GSG1L: variants seen among roughly 807,000 people sequenced by gnomAD.
GSG1L encodes GSG1 like, also known as germ cell-specific gene 1-like protein.
In GSG1L, 24 loss-of-function variants were observed where a neutral mutation model predicts 42.1. That is an observed-to-expected ratio of 0.57 (90% CI 0.41 to 0.80). GSG1L has a LOEUF of 0.80. Ranked by LOEUF, GSG1L falls within the 30% of genes least tolerant of loss-of-function variation. The pLI is 0.00. For synonymous variants in GSG1L, 215 were observed against 203.5 expected (o/e 1.06, Z -0.48); for missense variants, 445 against 472.2 (o/e 0.94, Z 0.53).
At position 28,040,476 on chromosome 16, in the gene GSG1L, G is replaced by C. The variant is rs2086093430; in HGVS notation, c.349+22600C>G. On this transcript the variant is annotated intron_variant, in intron 1 of 6. Coordinates refer to ENST00000447459, the MANE Select transcript of GSG1L (RefSeq NM_001109763.2). The surrounding 1 kb of genome is among the most constrained non-coding windows in gnomAD (Gnocchi z 4.1). ...CAGAATTAATTACGAATTCGGAAGA[G>C]TAGAGACCCCATCTTGTTCACCACT... Among the ~76,000 whole-genome samples, 1 of 152,160 alleles carries C rather than the reference G, an allele frequency of 6.6e-6. No homozygotes were observed. Among genetic ancestry groups the C allele is most frequent in the Non-Finnish European group, 1.5e-5 (1 of 68,024 alleles).
intron 1 of GSG1L, among the ~76,000 whole-genome samples, chr16:28,057,927 C>T (rs2086297174): frequency 6.6e-6 from 1 of 152,226 alleles, no homozygotes; most frequent in Non-Finnish European, 1.5e-5. Flanking sequence ...TCACCTCCAT[C>T]ATCCACACAA....
chr16:28,019,154 G>C (rs1169278435), intron 1 of GSG1L, among the ~76,000 whole-genome samples: 3 of 152,156 alleles, frequency 2.0e-5, no homozygotes, highest in African/African-American at 7.2e-5. Flanking sequence ...CAGGAAGTTA[G>C]GCATTCTAAG....
intron 3 of GSG1L, among the ~76,000 whole-genome samples, chr16:27,860,124 A>T (rs149307849): frequency 4.1e-4 from 62 of 152,312 alleles, no homozygotes; most frequent in African/African-American, 1.4e-3. Flanking sequence ...CAAGCTGCTG[A>T]GAAACAGGCA....
intron 3 of GSG1L, among the ~76,000 whole-genome samples, chr16:27,856,646 T>C (rs1211045855): frequency 6.6e-6 from 1 of 152,254 alleles, no homozygotes; most frequent in East Asian, 1.9e-4. Flanking sequence ...AATTTCTTTT[T>C]GACAGTTCTT....
intron 2 of GSG1L, among the ~76,000 whole-genome samples, chr16:27,906,570 A>C (rs1472280985): frequency 6.6e-6 from 1 of 151,918 alleles, no homozygotes; most frequent in Non-Finnish European, 1.5e-5. Flanking sequence ...GGCCCTCTGC[A>C]CCTCCTGCTC....
chr16:27,844,942 C>T lies in GSG1L; in HGVS notation c.662+8G>A, dbSNP rs2083427062. 4.5e-6 allele frequency: 7 copies of T among 1,542,542 alleles called. No homozygotes were observed. The highest frequency in any genetic ancestry group is 6.2e-6 in the Non-Finnish European group (7 of 1,128,208). ...CTGAAGCTGCTCTTGTCCTGAAGGT[C>T]CACTTACCAGAAGGACCACCCGTAG... On this transcript the variant is annotated splice_region_variant and intron_variant, in intron 4 of 6. Transcript: ENST00000447459.
rs147993796 is a variant in GSG1L at position 28,029,867 on chromosome 16, CGT to C, written c.349+33207_349+33208del. On this transcript the variant is annotated intron_variant, in intron 1 of 6. Transcript: ENST00000447459. ...CAACACTCTCAAACTACAAGGATAG[CGT>C]GTGTGTGTGTGTGCATGCACGCACA... Among the ~76,000 whole-genome samples the C allele has an allele frequency of 3.1e-4, 47 of 151,414 alleles. No individual in the cohort carries two copies. The East Asian group carries it at 5.4e-3, about 17-fold the overall frequency.
intron 2 of GSG1L, among the ~76,000 whole-genome samples, chr16:27,947,426 A>AAGAAAGAAAGAG (rs1555510013): frequency 7.1e-6 from 1 of 140,612 alleles, no homozygotes; most frequent in Non-Finnish European, 1.6e-5. Flanking sequence ...GAAAGAAAGA[A>AAGAAAGAAAGAG]AGAGAAGGAA....
intron 2 of GSG1L, among the ~76,000 whole-genome samples, chr16:27,955,928 A>AAGGAAGGGAG (rs1567533947): frequency 1.8e-5 from 1 of 56,782 alleles, no homozygotes; most frequent in African/African-American, 7.4e-5. Context: ...AAGGAAGGAA[A>AAGGAAGGGAG]GAAGGAAGGA....
At chr16:28,055,258 C>T (rs750618714) in intron 1 of GSG1L, among the ~76,000 whole-genome samples, 3 of 152,188 alleles carry the variant, frequency 2.0e-5, no homozygotes, top group African/African-American at 4.8e-5. Context: ...TGGGCTCAAG[C>T]GATCCTCCCA....
At position 27,903,713 on chromosome 16, in the gene GSG1L, G is replaced by A. The variant is rs1381779047; in HGVS notation, c.398-19075C>T. ...CCAGGGACCAAATCCTCCAGGGCAG[G>A]CCAGAAGTCAGGGGCTTGGCGGACA... On this transcript the variant is annotated intron_variant, in intron 2 of 6. Transcript: ENST00000447459. Among the ~76,000 whole-genome samples the A allele has an allele frequency of 2.0e-5, 3 of 152,256 alleles. No individual in the cohort carries two copies. The East Asian group carries it at 5.8e-4, about 30-fold the overall frequency.
chr16:27,823,394 A>G (rs1384161995), intron 5 of GSG1L, among the ~76,000 whole-genome samples: 1 of 152,098 alleles, frequency 6.6e-6, no homozygotes, highest in East Asian at 1.9e-4. Flanking sequence ...CACCATTTCA[A>G]ATCTGCCCAA....
chr16:27,803,970 ATGAT>A lies in GSG1L; in HGVS notation c.898+3513_898+3516del, dbSNP rs558943971. Reference sequence around the variant, plus strand: ...AGATGGTAAGATTTATAGATGATAGATGATTGATGGATAGATGATTGACAGATGA... The same window carrying A: ...AGATGGTAAGATTTATAGATGATAGATGATGGATAGATGATTGACAGATGA... On this transcript the variant is annotated intron_variant, in intron 6 of 6. Coordinates refer to ENST00000447459, the MANE Select transcript of GSG1L (RefSeq NM_001109763.2). Among the ~76,000 whole-genome samples, 142 of 151,820 alleles carry A rather than the reference ATGAT, an allele frequency of 9.4e-4. 1 individual carries two copies. The highest frequency in any genetic ancestry group is 3.3e-3 in the African/African-American group (138 of 41,398).
intron 6 of GSG1L, among the ~76,000 whole-genome samples, chr16:27,803,301 A>G (rs62031085): frequency 0.031 from 4,643 of 152,128 alleles, 214 homozygotes; most frequent in African/African-American, 0.097. Flanking sequence ...CATTACCTCC[A>G]GAGAACTCAT....
chr16:27,845,115 C>A, intron 3 of GSG1L, 54 bp from the exon 4 acceptor site: 1 of 1,160,440 alleles, frequency 8.6e-7, no homozygotes, highest in Non-Finnish European at 1.3e-6. Context: ...GGCTTTGTCC[C>A]CACACACCCA....
intron 2 of GSG1L, among the ~76,000 whole-genome samples, chr16:27,898,344 A>T (rs995639489): frequency 4.0e-5 from 1 of 25,190 alleles, no homozygotes; most frequent in Non-Finnish European, 8.7e-5. Flanking sequence ...CAAAAGCCCC[A>T]CCCGCCCACC....
At chr16:27,816,543 C>T (rs1217597554) in intron 5 of GSG1L, among the ~76,000 whole-genome samples, 7 of 152,276 alleles carry the variant, frequency 4.6e-5, no homozygotes, top group South Asian at 2.1e-4. Flanking sequence ...AAAGGTGAAG[C>T]GAAGACAGAT....
At chr16:27,919,573 A>G (rs1232920229) in intron 2 of GSG1L, among the ~76,000 whole-genome samples, 1 of 152,236 alleles carries the variant, frequency 6.6e-6, no homozygotes, top group Non-Finnish European at 1.5e-5. Context: ...CAGCAAATGC[A>G]GCAGAACATC....
intron 1 of GSG1L, among the ~76,000 whole-genome samples, chr16:28,025,894 C>T (rs1352851701): frequency 6.6e-6 from 1 of 152,224 alleles, no homozygotes; most frequent in Non-Finnish European, 1.5e-5. Context: ...AATGCCACAG[C>T]AGGCACAGGC....
Sources: allele counts gnomAD v4.1 joint callset (sites outside exome capture counted in the v4.1 genomes callset), GRCh38; gene constraint gnomAD v4.1.1; non-coding constraint Gnocchi (gnomAD v3.1); transcripts MANE v1.5; gene names NCBI Gene and HGNC (gene_info 2026-07-23, HGNC 2026-07-21).